The following QSER1 variants were observed in gnomAD, a reference collection of about 807,000 sequenced individuals.
QSER1 encodes glutamine and serine-rich protein 1.
Under a neutral mutation model 158.5 loss-of-function variants are expected in QSER1, and 49 were observed. The observed-to-expected ratio is 0.31, with a 90% confidence interval of 0.25 to 0.39. The LOEUF (loss-of-function observed/expected upper bound fraction) is 0.39. Ranked by LOEUF, QSER1 falls within the 10% of genes least tolerant of loss-of-function variation. The pLI, the probability that QSER1 is intolerant of heterozygous loss-of-function variation, is 1.00. For synonymous variants in QSER1, 650 were observed against 715.5 expected (o/e 0.91, Z 1.46); for missense variants, 1,754 against 2,010.3 (o/e 0.87, Z 2.44).
chr11:32,901,303 T>C (rs1174326196), intron 1 of QSER1, among the ~76,000 whole-genome samples: 2 of 152,234 alleles, frequency 1.3e-5, no homozygotes, highest in Admixed American at 6.5e-5. Context: ...AAATGTCTGA[T>C]GCATTGTGCC....
chr11:32,893,591 C>T lies in QSER1; in HGVS notation c.209+257C>T, dbSNP rs1851514996. On this transcript the variant is annotated intron_variant, in intron 1 of 12. Transcript: ENST00000650167. This position sits in a 1 kb window ranked among gnomAD's most constrained non-coding sequence, Gnocchi z 4.7. ...GGCGGGAGTCGTGGGGCTCCGTCAC[C>T]TCTTGGGTCCTGGGCTCTCACATGG... 6.6e-6 allele frequency among the ~76,000 whole-genome samples: 1 copy of T among 152,130 alleles called. No individual in the cohort carries two copies. The highest frequency in any genetic ancestry group is 2.4e-5 in the African/African-American group (1 of 41,434).
At chr11:32,904,444 C>A (rs1444049120) in intron 1 of QSER1, among the ~76,000 whole-genome samples, 1 of 152,110 alleles carries the variant, frequency 6.6e-6, no homozygotes, top group African/African-American at 2.4e-5. Flanking sequence ...CCCACCTTGG[C>A]CTCTCAAAGT....
rs561726018 is a variant in QSER1, at chr11:32,932,734, C to T, written c.1476C>T (p.Ser492=). ...PSIVHSQVYR[S]SKVEKLPPLY... is the part of the protein sequence containing the mutation. ...TTGTTCATTCACAGGTTTATAGGTC[C>T]AGCAAGGTTGAGAAATTGCCACCCT... Residue 492 remains serine (S), a synonymous_variant, in exon 4 of 13, where the codon TCC becomes TCT. Coordinates refer to ENST00000650167, the MANE Select transcript of QSER1 (RefSeq NM_001076786.3). The T allele has an allele frequency of 2.5e-4, 410 of 1,614,112 alleles. 10 individuals are homozygous for T. In the South Asian group the frequency reaches 4.1e-3, roughly 16 times the overall value.
intron 1 of QSER1, among the ~76,000 whole-genome samples, chr11:32,913,918 G>T (rs80355043): frequency 1.3e-5 from 2 of 152,278 alleles, no homozygotes; most frequent in East Asian, 1.9e-4. Context: ...CTTTTATACA[G>T]CTGTTACACA....
chr11:32,951,100 G>C (rs1445539977), intron 4 of QSER1, among the ~76,000 whole-genome samples: 1 of 152,124 alleles, frequency 6.6e-6, no homozygotes, highest in Non-Finnish European at 1.5e-5. Flanking sequence ...TTTCATCAGT[G>C]ATCTATAAGG....
At chr11:32,946,683 G>C (rs962911171) in intron 4 of QSER1, among the ~76,000 whole-genome samples, 2 of 152,136 alleles carry the variant, frequency 1.3e-5, no homozygotes, top group African/African-American at 4.8e-5. Flanking sequence ...CTGTCTTTTT[G>C]TTTGTCTGTA....
In QSER1 at chr11:32,933,691, C is replaced by A; in HGVS notation, c.2433C>A (p.Leu811=). 6.2e-7 allele frequency: 1 copy of A among 1,613,710 alleles called. No homozygotes were observed. Among genetic ancestry groups the A allele is most frequent in the South Asian group, 1.1e-5 (1 of 90,964 alleles). The change falls in exon 4 of 13, where the codon CTC becomes CTA. Residue 811 remains leucine, a synonymous_variant. Transcript: ENST00000650167. ...AAGACTTAAAGCAGCAACATCCTCT[C>A]ATACTTAAGGTGCATGAGTCCAAGG... ...NTKDLKQQHP[L]ILKVHESKVQ... is the part of the protein sequence containing the mutation.
In QSER1 at chr11:32,932,741, G is replaced by C. The variant is rs1226445700; in HGVS notation, c.1483G>C (p.Val495Leu). Residue 495 changes from valine (V) to leucine (L), a missense_variant, in exon 4 of 13, where the codon GTT (valine) becomes CTT (leucine). Physicochemically the swap from Val to Leu is conservative, Grantham distance 32. Around this residue, in one of 2 missense-constraint regions of QSER1, gnomAD observed 1,707 missense variants for 1,919.6 expected, o/e 0.89. Transcript: ENST00000650167. ...VHSQVYRSSKVEKLPPLYKTL... is the reference protein window; with the variant it reads ...VHSQVYRSSKLEKLPPLYKTL... ...TTCACAGGTTTATAGGTCCAGCAAG[G>C]TTGAGAAATTGCCACCCTTGTATAA... The C allele has an allele frequency of 6.2e-7, 1 of 1,613,978 alleles. No homozygotes were observed. Among genetic ancestry groups the C allele is most frequent in the Non-Finnish European group, 8.5e-7 (1 of 1,180,004 alleles).
At position 32,933,911 on chromosome 11, in the gene QSER1, C is replaced by T. The variant is rs201421273; in HGVS notation, c.2653C>T (p.Arg885Cys). 2.3e-5 allele frequency: 37 copies of T among 1,613,732 alleles called. No individual in the cohort carries two copies. The African/African-American group carries it at 4.1e-4, about 18-fold the overall frequency. ...GQVKASLQAQ[R>C]VQSPQQIVHP... ...AGTAAAGGCATCTTTACAAGCACAGCGTGTTCAAAGCCCTCAACAAATAGT... is the reference window on the plus strand; with the variant it reads ...AGTAAAGGCATCTTTACAAGCACAGTGTGTTCAAAGCCCTCAACAAATAGT... The change falls in exon 4 of 13, where the codon CGT (arginine) becomes TGT (cysteine). Residue 885 changes from arginine (R) to cysteine (C), a missense_variant. Arg to Cys is a radical substitution (Grantham distance 180). Coordinates refer to ENST00000650167, the MANE Select transcript of QSER1 (RefSeq NM_001076786.3).
chr11:32,953,937 G>C lies in QSER1; in HGVS notation c.4258G>C (p.Val1420Leu). The part of the protein sequence containing the change: ...ATTSSTTVGA[V>L]KQEPLHSTSY... Reference sequence around the variant, plus strand: ...TACTTCCTCAACCACTGTGGGTGCAGTTAAGCAAGAACCTCTCCACTCTAC... The same window carrying C: ...TACTTCCTCAACCACTGTGGGTGCACTTAAGCAAGAACCTCTCCACTCTAC... The change falls in exon 5 of 13, where the codon GTT becomes CTT. Residue 1420 changes from valine (V) to leucine (L), a missense_variant. By Grantham distance (32) the Val-to-Leu change is conservative. Around this residue, in one of 2 missense-constraint regions of QSER1, gnomAD observed 1,707 missense variants for 1,919.6 expected, o/e 0.89. Coordinates refer to ENST00000650167, the MANE Select transcript of QSER1 (RefSeq NM_001076786.3). 1.2e-6 allele frequency: 2 copies of C among 1,614,188 alleles called. No homozygotes were observed. The highest frequency in any genetic ancestry group is 8.5e-7 in the Non-Finnish European group (1 of 1,180,026).
rs200751629 is a variant in QSER1 at position 32,976,318 on chromosome 11, G to T, written c.5455-16G>T. On this transcript the variant is annotated splice_polypyrimidine_tract_variant and intron_variant, in intron 12 of 12. Transcript: ENST00000650167. ...TGTGATAAGTATAAGCTAATTTGGCGATTTTCTTTTTTTAGATTTCTTCGG... is the reference window on the plus strand; with the variant it reads ...TGTGATAAGTATAAGCTAATTTGGCTATTTTCTTTTTTTAGATTTCTTCGG... 9.5e-6 allele frequency: 15 copies of T among 1,573,002 alleles called. No homozygotes were observed. The East Asian group carries it at 3.2e-4, about 33-fold the overall frequency.
At chr11:32,946,926 T>C (rs1852343236) in intron 4 of QSER1, among the ~76,000 whole-genome samples, 1 of 152,228 alleles carries the variant, frequency 6.6e-6, no homozygotes, top group African/African-American at 2.4e-5. Context: ...GGATATAATC[T>C]CGTGGTGCGC....
chr11:32,957,187 G>T (rs1852533021), intron 7 of QSER1, among the ~76,000 whole-genome samples: 1 of 145,534 alleles, frequency 6.9e-6, no homozygotes, highest in Admixed American at 7.0e-5. Flanking sequence ...TGTCGCCCAG[G>T]CTGGAGTGCA....
Position 32,932,255 on chromosome 11 carries a change from C to CAACTGGTTCATTCAG in QSER1, c.1002_1003insGTTCATTCAGAACTG (p.Leu334_Thr335insValHisSerGluLeu). ...TTCAGGTACCCAGTCAATTCAGGCA[C>CAACTGGTTCATTCAG]AACTGACTGGTTCACAGCACTCCTT... On this transcript the variant is annotated inframe_insertion, in exon 4 of 13. Transcript: ENST00000650167. 1 of 1,614,076 alleles carries CAACTGGTTCATTCAG rather than the reference C, an allele frequency of 6.2e-7. No homozygotes were observed. Among genetic ancestry groups the CAACTGGTTCATTCAG allele is most frequent in the Non-Finnish European group, 8.5e-7 (1 of 1,179,996 alleles).
chr11:32,918,951 C>T (rs1035561621), intron 1 of QSER1, among the ~76,000 whole-genome samples: 8 of 152,072 alleles, frequency 5.3e-5, no homozygotes, highest in Non-Finnish European at 4.4e-5. Flanking sequence ...TATAGAGTTC[C>T]CATACACCCC....
intron 1 of QSER1, among the ~76,000 whole-genome samples, chr11:32,904,843 G>T (rs1314434353): frequency 6.6e-6 from 1 of 151,944 alleles, no homozygotes; most frequent in African/African-American, 2.4e-5. Flanking sequence ...CCTGCTTAAG[G>T]TTTCTTCATA....
At chr11:32,941,452 G>A (rs1590171388) in intron 4 of QSER1, among the ~76,000 whole-genome samples, 2 of 139,446 alleles carry the variant, frequency 1.4e-5, no homozygotes, top group Non-Finnish European at 3.0e-5. Flanking sequence ...TCACTGTTCA[G>A]TTCCCACCTA....
intron 4 of QSER1, among the ~76,000 whole-genome samples, chr11:32,953,219 G>C (rs1420395613): frequency 4.0e-5 from 6 of 149,420 alleles, no homozygotes; most frequent in African/African-American, 1.5e-4. Context: ...AATTTTGATA[G>C]CTTCTAGTGC....
Position 32,957,943 on chromosome 11 carries a change from C to A in QSER1, c.4826C>A (p.Ala1609Asp), listed in dbSNP as rs754854360. ...GCATCAAAAACTACAACTACAAAAGCCCCTTCCGTGAAACCCAAAGTTAAA... is the reference window on the plus strand; with the variant it reads ...GCATCAAAAACTACAACTACAAAAGACCCTTCCGTGAAACCCAAAGTTAAA... ...PLASKTTTTKAPSVKPKVKQP... is the reference protein window; with the variant it reads ...PLASKTTTTKDPSVKPKVKQP... Residue 1609 changes from alanine to aspartate, a missense_variant, in exon 8 of 13, where the codon GCC becomes GAC. Physicochemically the swap from Ala to Asp is moderately radical, Grantham distance 126 (BLOSUM62 -2). Around this residue, in one of 2 missense-constraint regions of QSER1, gnomAD observed 1,707 missense variants for 1,919.6 expected, o/e 0.89. Coordinates refer to ENST00000650167, the MANE Select transcript of QSER1 (RefSeq NM_001076786.3). 1.9e-5 allele frequency: 31 copies of A among 1,614,098 alleles called. No individual in the cohort carries two copies. The highest frequency in any genetic ancestry group is 2.5e-5 in the Non-Finnish European group (30 of 1,180,020).
Sources: allele counts gnomAD v4.1 joint callset (sites outside exome capture counted in the v4.1 genomes callset), GRCh38; gene constraint gnomAD v4.1.1; regional missense constraint gnomAD v4.1.1; non-coding constraint Gnocchi (gnomAD v3.1); transcripts MANE v1.5; gene names NCBI Gene and HGNC (gene_info 2026-07-23, HGNC 2026-07-21).